EMB: variants seen among roughly 807,000 people sequenced by gnomAD.
The protein encoded by EMB is embigin homolog.
In EMB, 31 loss-of-function variants were observed where a neutral mutation model predicts 41.4. That is an observed-to-expected ratio of 0.75 (90% CI 0.56 to 1.01). The LOEUF is 1.01. Among genes scored for constraint, EMB ranks in the 50% least tolerant of loss-of-function variants. The pLI, the probability that EMB is intolerant of heterozygous loss-of-function variation, is 0.00. For missense variants in EMB, 379 were observed against 388.3 expected, an observed-to-expected ratio of 0.98 and a Z score of 0.20; for synonymous variants, 137 against 140.4, an observed-to-expected ratio of 0.98 and a Z score of 0.17.
intron 5 of EMB, among the ~76,000 whole-genome samples, chr5:50,404,508 A>G (rs370405114): frequency 2.6e-5 from 4 of 152,000 alleles, no homozygotes; most frequent in Admixed American, 1.3e-4. Flanking sequence ...TCATGCTTAG[A>G]GTCAAATTAA....
intron 1 of EMB, among the ~76,000 whole-genome samples, chr5:50,438,824 A>C (rs1190663308): frequency 6.6e-6 from 1 of 151,826 alleles, no homozygotes; most frequent in African/African-American, 2.4e-5. Context: ...CTTATACCAT[A>C]TACATAGAGT....
intron 1 of EMB, among the ~76,000 whole-genome samples, chr5:50,430,156 T>G (rs1446120513): frequency 6.6e-6 from 1 of 152,154 alleles, no homozygotes; most frequent in African/African-American, 2.4e-5. Flanking sequence ...TTCAGGAAGA[T>G]CAAGGCAGAT....
intron 2 of EMB, among the ~76,000 whole-genome samples, chr5:50,423,992 C>T (rs1370543018): frequency 6.6e-6 from 1 of 152,162 alleles, no homozygotes. Context: ...ATATTTACAG[C>T]CTAGGAAGGA....
chr5:50,432,796 G>A (rs1239279671), intron 1 of EMB, among the ~76,000 whole-genome samples: 4 of 149,398 alleles, frequency 2.7e-5, no homozygotes, highest in Admixed American at 2.7e-4. Flanking sequence ...CTAGTTATCA[G>A]GGCCAGGCGC....
intron 1 of EMB, chr5:50,428,439 A>G: frequency 8.4e-7 from 1 of 1,192,920 alleles, no homozygotes; most frequent in South Asian, 3.5e-5. Flanking sequence ...TTTTTAACCT[A>G]AAAATCCCTA....
chr5:50,434,969 G>T (rs561568870), intron 1 of EMB, among the ~76,000 whole-genome samples: 1 of 152,286 alleles, frequency 6.6e-6, no homozygotes, highest in Non-Finnish European at 1.5e-5. Flanking sequence ...AATGTGAAAA[G>T]ATTACACTTT....
chr5:50,426,187 A>G (rs1359819784), intron 2 of EMB, among the ~76,000 whole-genome samples: 4 of 152,250 alleles, frequency 2.6e-5, no homozygotes, highest in Admixed American at 6.5e-5. Context: ...CTAATAGCAC[A>G]GACTGGGCAC....
intron 8 of EMB, among the ~76,000 whole-genome samples, chr5:50,399,548 T>G (rs993725131): frequency 6.6e-6 from 1 of 151,778 alleles, no homozygotes; most frequent in Non-Finnish European, 1.5e-5. Flanking sequence ...TCCAGAAAAT[T>G]TTAGAGGAAA....
At position 50,411,300 on chromosome 5, in the gene EMB, C is replaced by CA. The variant is rs1745333216; in HGVS notation, c.279dup (p.Gly94TrpfsTer15). 6.2e-7 allele frequency: 1 copy of CA among 1,613,038 alleles called. No homozygotes were observed. Among genetic ancestry groups the CA allele is most frequent in the East Asian group, 2.2e-5 (1 of 44,778 alleles). On this transcript the variant is annotated frameshift_variant, in exon 3 of 9. Transcript: ENST00000303221. LOFTEE classifies it high-confidence loss of function. Reference sequence around the variant, plus strand: ...GTCACATTTACTGCATTCAAATCCCCAGATGTTGTGAACTGGCATGTGAGA... The same window carrying CA: ...GTCACATTTACTGCATTCAAATCCCCAAGATGTTGTGAACTGGCATGTGAGA...
intron 1 of EMB, among the ~76,000 whole-genome samples, chr5:50,434,145 A>T (rs1213782830): frequency 2.0e-5 from 3 of 152,228 alleles, no homozygotes; most frequent in African/African-American, 7.2e-5. Context: ...GGGATTAAAC[A>T]TATCTTTTTG....
intron 2 of EMB, among the ~76,000 whole-genome samples, chr5:50,424,270 C>T (rs1331479186): frequency 1.3e-5 from 2 of 152,126 alleles, no homozygotes; most frequent in East Asian, 3.9e-4. Flanking sequence ...TTCAGATTTT[C>T]TAATTTACTC....
At chr5:50,426,195 C>T (rs1024152069) in intron 2 of EMB, among the ~76,000 whole-genome samples, 1 of 152,208 alleles carries the variant, frequency 6.6e-6, no homozygotes, top group African/African-American at 2.4e-5. Flanking sequence ...ACAGACTGGG[C>T]ACCAAGCTGC....
At chr5:50,407,973 G>C (rs1336622908) in intron 4 of EMB, among the ~76,000 whole-genome samples, 2 of 151,968 alleles carry the variant, frequency 1.3e-5, no homozygotes, top group African/African-American at 4.8e-5. Context: ...TTGGTTCAAA[G>C]ACTTTTAGGT....
intron 7 of EMB, among the ~76,000 whole-genome samples, chr5:50,401,284 T>C (rs779418349): frequency 6.6e-6 from 1 of 152,020 alleles, no homozygotes; most frequent in Non-Finnish European, 1.5e-5. Context: ...GCAGCCTATG[T>C]GAATGGAGTC....
At chr5:50,426,872 TTAGA>T (rs1745618756) in intron 2 of EMB, among the ~76,000 whole-genome samples, 1 of 148,354 alleles carries the variant, frequency 6.7e-6, no homozygotes, top group Non-Finnish European at 1.5e-5. Flanking sequence ...TTCAACTAAA[TTAGA>T]GTCCAGAGAC....
chr5:50,406,289 T>C (rs1745247423), intron 4 of EMB, among the ~76,000 whole-genome samples: 1 of 151,844 alleles, frequency 6.6e-6, no homozygotes, highest in Non-Finnish European at 1.5e-5. Flanking sequence ...TAGTTGATAC[T>C]AATTTATGAA....
At chr5:50,432,230 T>C (rs1167711574) in intron 1 of EMB, among the ~76,000 whole-genome samples, 1 of 152,104 alleles carries the variant, frequency 6.6e-6, no homozygotes, top group Non-Finnish European at 1.5e-5. Flanking sequence ...AATCCCTTTA[T>C]TATATGTTAA....
chr5:50,426,632 G>T (rs370205349), intron 2 of EMB, among the ~76,000 whole-genome samples: 1 of 152,038 alleles, frequency 6.6e-6, no homozygotes, highest in East Asian at 1.9e-4. Flanking sequence ...CTTCGACAAT[G>T]GCCAGAGGGA....
intron 2 of EMB, among the ~76,000 whole-genome samples, chr5:50,421,238 A>T (rs1745516945): frequency 6.6e-6 from 1 of 152,204 alleles, no homozygotes; most frequent in Admixed American, 6.5e-5. Flanking sequence ...GGCGAAGGAT[A>T]TGAACAGACA....
Sources: gnomAD v4.1 joint callset for allele counts (sites outside exome capture counted in the v4.1 genomes callset) on GRCh38, gnomAD v4.1.1 for gene constraint, MANE v1.5 for transcripts, NCBI Gene and HGNC (gene_info 2026-07-23, HGNC 2026-07-21) for gene names.